ANKRD55: variants seen among roughly 807,000 people sequenced by gnomAD.
The protein encoded by ANKRD55 is ankyrin repeat domain-containing protein 55.
A neutral mutation model predicts 60.6 loss-of-function variants in ANKRD55; 41 were observed. The ratio of observed to expected loss-of-function variants is 0.68; its 90% confidence interval spans 0.53 to 0.88. The LOEUF is 0.88. ANKRD55 is among the 40% of genes least tolerant of loss of function. The probability of loss-of-function intolerance (pLI) is 0.00; values close to 1 mark genes in which losing one functional copy is unlikely to be tolerated. For synonymous variants in ANKRD55, 264 were observed against 290.3 expected (o/e 0.91, Z 0.92); for missense variants, 732 against 767.6 (o/e 0.95, Z 0.55).
chr5:56,231,218 G>A (rs1027131027), intron 2 of ANKRD55, among the ~76,000 whole-genome samples: 12 of 152,212 alleles, frequency 7.9e-5, no homozygotes, highest in African/African-American at 2.7e-4. Flanking sequence ...AGATGGCAGG[G>A]AGAGGGTTAA....
At chr5:56,121,928 TAGG>T (rs1360704830) in intron 8 of ANKRD55, among the ~76,000 whole-genome samples, 1 of 152,220 alleles carries the variant, frequency 6.6e-6, no homozygotes, top group African/African-American at 2.4e-5. Flanking sequence ...TACTGTTTTC[TAGG>T]AGGTCAAGGC....
At chr5:56,155,818 G>A (rs1434308528) in intron 6 of ANKRD55, among the ~76,000 whole-genome samples, 2 of 145,020 alleles carry the variant, frequency 1.4e-5, no homozygotes, top group East Asian at 2.0e-4. Flanking sequence ...CCACTGCACT[G>A]TAGCCTGGGC....
rs549567503 is a variant in ANKRD55, at chr5:56,133,885, T to C, written c.613-6779A>G. ...GAATCAATTATATAAGCTTACATCTTAGGAAGCTAGAAAAAGAAGAGCAAA... is the reference window on the plus strand; with the variant it reads ...GAATCAATTATATAAGCTTACATCTCAGGAAGCTAGAAAAAGAAGAGCAAA... On this transcript the variant is annotated intron_variant, in intron 7 of 11. Coordinates refer to ENST00000341048, the MANE Select transcript of ANKRD55 (RefSeq NM_024669.3). 7.9e-5 allele frequency among the ~76,000 whole-genome samples: 9 copies of C among 113,686 alleles called. 2 individuals carry two copies. The highest frequency in any genetic ancestry group is 2.6e-4 in the African/African-American group (9 of 35,064). 74.6% of individuals were successfully genotyped at this position (113,686 alleles called of 152,430 possible).
At chr5:56,143,587 G>T (rs1757823273) in intron 7 of ANKRD55, among the ~76,000 whole-genome samples, 1 of 152,158 alleles carries the variant, frequency 6.6e-6, no homozygotes, top group Non-Finnish European at 1.5e-5. Flanking sequence ...AATGAGAGGG[G>T]TATGTGTGTG....
chr5:56,146,029 T>C (rs1757885870), intron 6 of ANKRD55, among the ~76,000 whole-genome samples: 2 of 152,202 alleles, frequency 1.3e-5, no homozygotes, highest in South Asian at 2.1e-4. Flanking sequence ...AATTAAATTA[T>C]ATTTTAAAAA....
chr5:56,213,738 G>A (rs890727896), intron 2 of ANKRD55, among the ~76,000 whole-genome samples: 5 of 152,232 alleles, frequency 3.3e-5, no homozygotes, highest in Admixed American at 6.5e-5. Flanking sequence ...TCGTAGTCTC[G>A]GAAGATAGAA....
At chr5:56,194,118 C>G (rs755588014) in intron 2 of ANKRD55, among the ~76,000 whole-genome samples, 2 of 152,028 alleles carry the variant, frequency 1.3e-5, no homozygotes, top group Non-Finnish European at 2.9e-5. Context: ...GAGATTGAGA[C>G]CACCCTGGCC....
chr5:56,188,537 A>C (rs891290062), intron 2 of ANKRD55, among the ~76,000 whole-genome samples: 2 of 152,160 alleles, frequency 1.3e-5, no homozygotes, highest in Non-Finnish European at 2.9e-5. Flanking sequence ...TTCTGCATAT[A>C]GATATCCAGT....
chr5:56,218,329 A>G (rs1327699731), intron 2 of ANKRD55, among the ~76,000 whole-genome samples: 1 of 152,252 alleles, frequency 6.6e-6, no homozygotes, highest in Admixed American at 6.5e-5. Context: ...CATGTTACAT[A>G]CAGATACATC....
At chr5:56,156,492 G>C (rs897344125) in intron 6 of ANKRD55, among the ~76,000 whole-genome samples, 7 of 152,208 alleles carry the variant, frequency 4.6e-5, no homozygotes, top group African/African-American at 9.7e-5. Context: ...TGTCTTTGCT[G>C]GGGGGTTGCT....
chr5:56,221,545 G>A (rs1350846475), intron 2 of ANKRD55, among the ~76,000 whole-genome samples: 3 of 152,214 alleles, frequency 2.0e-5, no homozygotes, highest in Non-Finnish European at 4.4e-5. Context: ...AGCAGGGTGA[G>A]GCATCACCTC....
chr5:56,100,142 A>G lies in ANKRD55; in HGVS notation c.*41T>C. The G allele has an allele frequency of 1.2e-6, 2 of 1,613,432 alleles. No homozygotes were observed. On this transcript the variant is annotated 3_prime_UTR_variant, in exon 12 of 12. Coordinates refer to ENST00000341048, the MANE Select transcript of ANKRD55 (RefSeq NM_024669.3). ...GTAATCTTGTCCTTTGAGAGTTGAAAATACATATTCATCTACATTTCTGCA... is the reference window on the plus strand; with the variant it reads ...GTAATCTTGTCCTTTGAGAGTTGAAGATACATATTCATCTACATTTCTGCA...
In ANKRD55 at chr5:56,224,763, C is replaced by A. The variant is rs180695027; in HGVS notation, c.58+8093G>T. 6.0e-4 allele frequency among the ~76,000 whole-genome samples: 91 copies of A among 152,268 alleles called. 2 individuals carry two copies. In the East Asian group the frequency reaches 0.015, roughly 26 times the overall value. On this transcript the variant is annotated intron_variant, in intron 2 of 11. Coordinates refer to ENST00000341048, the MANE Select transcript of ANKRD55 (RefSeq NM_024669.3). ...ATGGATAAATTCCTGGACACATACA[C>A]CCTCCCAAGACTAAACCAGGAAGAA...
At chr5:56,220,273 G>C (rs1449097072) in intron 2 of ANKRD55, among the ~76,000 whole-genome samples, 1 of 152,214 alleles carries the variant, frequency 6.6e-6, no homozygotes. Context: ...GCTCAGCCAG[G>C]GGCTTCCTTC....
intron 9 of ANKRD55, among the ~76,000 whole-genome samples, chr5:56,115,344 G>A (rs917573320): frequency 5.4e-5 from 8 of 147,238 alleles, no homozygotes; most frequent in Admixed American, 4.7e-4. Flanking sequence ...TTTTTGAGAC[G>A]GTCTTGCTCT....
chr5:56,140,833 C>T (rs1006684635), intron 7 of ANKRD55, among the ~76,000 whole-genome samples: 1 of 152,096 alleles, frequency 6.6e-6, no homozygotes, highest in Non-Finnish European at 1.5e-5. Context: ...GAGGCTGAGG[C>T]AGGTGAATCA....
At chr5:56,203,580 G>A (rs1380508765) in intron 2 of ANKRD55, among the ~76,000 whole-genome samples, 7 of 152,228 alleles carry the variant, frequency 4.6e-5, no homozygotes, top group African/African-American at 7.2e-5. Context: ...GTGAGAACAT[G>A]CGGTGTTTGG....
chr5:56,207,014 T>C (rs1581021464), intron 2 of ANKRD55, among the ~76,000 whole-genome samples: 1 of 152,198 alleles, frequency 6.6e-6, no homozygotes. Flanking sequence ...AAGAAATGAC[T>C]GAAAGTCTCG....
At chr5:56,121,201 C>T (rs1274360888) in intron 8 of ANKRD55, among the ~76,000 whole-genome samples, 1 of 152,004 alleles carries the variant, frequency 6.6e-6, no homozygotes, top group African/African-American at 2.4e-5. Context: ...AAGGCACACA[C>T]AATAAGGCAA....
Sources: allele counts gnomAD v4.1 joint callset (sites outside exome capture counted in the v4.1 genomes callset), GRCh38; gene constraint gnomAD v4.1.1; transcripts MANE v1.5; gene names NCBI Gene and HGNC (gene_info 2026-07-23, HGNC 2026-07-21).